Variants in MXI1 observed in about 807,000 individuals in gnomAD.
The protein encoded by MXI1 is max-interacting protein 1.
MXI1 carries 18 observed loss-of-function variants against 36.9 expected under a neutral mutation model. That is an observed-to-expected ratio of 0.49 (90% confidence interval 0.34 to 0.72). MXI1 has a LOEUF of 0.72. Among genes scored for constraint, MXI1 ranks in the 30% least tolerant of loss-of-function variants. MXI1 has a pLI of 0.01. For synonymous variants in MXI1, 160 were observed against 146.7 expected (o/e 1.09, Z -0.65); for missense variants, 304 against 379.1 (o/e 0.80, Z 1.64).
In MXI1 at chr10:110,211,873, TAC is replaced by T. The variant is rs1361990638; in HGVS notation, c.274+3792_274+3793del. Among the ~76,000 whole-genome samples the T allele has an allele frequency of 5.3e-5, 8 of 152,360 alleles. No homozygotes were observed. In the East Asian group the frequency reaches 1.3e-3, roughly 26 times the overall value. On this transcript the variant is annotated intron_variant, in intron 1 of 5. Transcript: ENST00000332674. ...TTAATCATGAAGGCTGTGATCCTAT[TAC>T]CACAAATTCAGAAATTATATGTAAA...
chr10:110,237,239 T>C (rs1855505939), intron 2 of MXI1, among the ~76,000 whole-genome samples: 1 of 152,230 alleles, frequency 6.6e-6, no homozygotes, highest in African/African-American at 2.4e-5. Context: ...AGTACAGTGC[T>C]GGATAGAAGT....
chr10:110,245,221 T>A, intron 3 of MXI1, among the ~76,000 whole-genome samples: 1 of 152,154 alleles, frequency 6.6e-6, no homozygotes, highest in Non-Finnish European at 1.5e-5. Flanking sequence ...ATTGAATTTT[T>A]CTTCCTTTGT....
intron 2 of MXI1, among the ~76,000 whole-genome samples, chr10:110,236,144 TTTTTTTTTTTTTTTTTTTTG>T: frequency 7.7e-6 from 1 of 129,580 alleles, no homozygotes; most frequent in African/African-American, 2.9e-5. Context: ...TTTTTTTTTT[TTTTTTTTTTTTTTTTTTTTG>T]CAAATGGACA....
At chr10:110,242,452 A>G (rs1262060873) in intron 2 of MXI1, among the ~76,000 whole-genome samples, 1 of 152,076 alleles carries the variant, frequency 6.6e-6, no homozygotes, top group Non-Finnish European at 1.5e-5. Flanking sequence ...TTTTGTAAAA[A>G]AAATTGGAAG....
Position 110,286,689 on chromosome 10 carries a change from C to T in MXI1, c.*1702C>T, listed in dbSNP as rs1390171059. The T allele has an allele frequency of 6.6e-6, 1 of 152,578 alleles. No homozygotes were observed. Among genetic ancestry groups the T allele is most frequent in the African/African-American group, 2.4e-5 (1 of 41,448 alleles). The allele number at this position is 152,578 out of a possible 1,614,324, so 9.5% of individuals were successfully genotyped here. On this transcript the variant is annotated 3_prime_UTR_variant, in exon 6 of 6. Transcript: ENST00000332674. The stretch of plus-strand genomic sequence containing the variant: ...CCCTTTGTGAGTGACACTTTAACAG[C>T]ATTCACTGCTTCTATATATAGTGTA...
intron 3 of MXI1, among the ~76,000 whole-genome samples, chr10:110,256,435 C>T (rs1408208882): frequency 2.6e-5 from 4 of 151,320 alleles, no homozygotes; most frequent in African/African-American, 7.3e-5. Flanking sequence ...GAAACCCCAT[C>T]GCTACTAAAA....
chr10:110,226,132 C>T, intron 1 of MXI1: 1 of 1,304,298 alleles, frequency 7.7e-7, no homozygotes, highest in Non-Finnish European at 9.8e-7. Context: ...GAACGGCGCC[C>T]GGCCGTAGCC....
intron 5 of MXI1, 108 bp downstream of exon 5, chr10:110,280,193 T>A (rs1165053826): frequency 1.1e-6 from 1 of 907,444 alleles, no homozygotes; most frequent in Non-Finnish European, 1.6e-6. Flanking sequence ...GCCAACAGAG[T>A]AACATTGTAG....
intron 3 of MXI1, among the ~76,000 whole-genome samples, chr10:110,275,983 G>A (rs1396040081): frequency 1.3e-5 from 2 of 152,008 alleles, no homozygotes; most frequent in African/African-American, 4.8e-5. Flanking sequence ...ATATCTTTTA[G>A]AGCATTCTGC....
chr10:110,273,881 C>T (rs529972000), intron 3 of MXI1, among the ~76,000 whole-genome samples: 42 of 152,182 alleles, frequency 2.8e-4, no homozygotes, highest in African/African-American at 9.2e-4. Context: ...TGGGGCCAGG[C>T]GGGGGTTAGA....
intron 1 of MXI1, among the ~76,000 whole-genome samples, chr10:110,213,294 T>C (rs1393350565): frequency 6.6e-6 from 1 of 152,226 alleles, no homozygotes; most frequent in Non-Finnish European, 1.5e-5. Flanking sequence ...GCTGGTCACG[T>C]TTTTGCATGG....
chr10:110,252,767 T>C (rs1590375230), intron 3 of MXI1, among the ~76,000 whole-genome samples: 2 of 152,274 alleles, frequency 1.3e-5, no homozygotes, highest in East Asian at 1.9e-4. Context: ...ATAATCAACA[T>C]GTTTTCACAT....
intron 2 of MXI1, among the ~76,000 whole-genome samples, chr10:110,230,833 T>C (rs1032674542): frequency 2.0e-5 from 3 of 152,236 alleles, no homozygotes; most frequent in African/African-American, 7.2e-5. Context: ...GAAATTTCCA[T>C]GTATTTATCA....
At chr10:110,279,419 G>C in intron 4 of MXI1, 125 bp downstream of exon 4, 1 of 773,010 alleles carries the variant, frequency 1.3e-6, no homozygotes, top group Non-Finnish European at 2.1e-6. Flanking sequence ...CTCAAGAGAA[G>C]TCTTTCTAAA....
chr10:110,215,401 A>G (rs1854612592), intron 1 of MXI1, among the ~76,000 whole-genome samples: 1 of 152,302 alleles, frequency 6.6e-6, no homozygotes, highest in Admixed American at 6.5e-5. Context: ...AAGGAGCCCC[A>G]GAGGTCACAG....
At chr10:110,208,385 G>T in intron 1 of MXI1, 1 of 222,080 alleles carries the variant, frequency 4.5e-6, no homozygotes, top group Non-Finnish European at 9.0e-6. Flanking sequence ...TGACAACTGA[G>T]CCGAGAGCTC....
chr10:110,275,568 A>T (rs1856998656), intron 3 of MXI1, among the ~76,000 whole-genome samples: 1 of 152,208 alleles, frequency 6.6e-6, no homozygotes, highest in Non-Finnish European at 1.5e-5. Flanking sequence ...CAGGGCATCC[A>T]TTGCTCTTGG....
At chr10:110,249,061 T>C (rs116833923) in intron 3 of MXI1, among the ~76,000 whole-genome samples, 1 of 152,274 alleles carries the variant, frequency 6.6e-6, no homozygotes, top group African/African-American at 2.4e-5. Flanking sequence ...TGTTTAACAG[T>C]CCTTTTTACC....
chr10:110,273,041 C>CTTTTTT (rs771024820), intron 3 of MXI1, among the ~76,000 whole-genome samples: 22 of 110,884 alleles, frequency 2.0e-4, no homozygotes, highest in Non-Finnish European at 2.7e-4. Context: ...GCTTGTTTAG[C>CTTTTTT]TTTTTTTTTT....
Sources: allele counts gnomAD v4.1 joint callset (sites outside exome capture counted in the v4.1 genomes callset), GRCh38; gene constraint gnomAD v4.1.1; transcripts MANE v1.5; gene names NCBI Gene and HGNC (gene_info 2026-07-23, HGNC 2026-07-21).